NCOA4: variants seen among roughly 807,000 people sequenced by gnomAD.
NCOA4 encodes 70 kDa AR-activator.
A neutral mutation model predicts 69.5 loss-of-function variants in NCOA4; 31 were observed. The ratio of observed to expected loss-of-function variants is 0.45; its 90% CI spans 0.34 to 0.60. The LOEUF is 0.60. Ranked by LOEUF, NCOA4 falls within the 20% of genes least tolerant of loss-of-function variation. NCOA4 has a pLI of 0.02. For missense variants in NCOA4, 600 were observed against 719.2 expected, an observed-to-expected ratio of 0.83 and a Z score of 1.90; for synonymous variants, 228 against 252.4, an observed-to-expected ratio of 0.90 and a Z score of 0.92.
Position 46,021,116 on chromosome 10 carries a change from C to T in NCOA4, c.-14-4422G>A, listed in dbSNP as rs540138283. On this transcript the variant is annotated intron_variant, in intron 1 of 9. Transcript: ENST00000581486. ...CTTTGCACAAATCTATTTGTGAAGT[C>T]TGAAGATCATGGCACCAGAATTGAG... 1.1e-4 allele frequency among the ~76,000 whole-genome samples: 16 copies of T among 152,238 alleles called. No homozygotes were observed. In the East Asian group the frequency reaches 3.1e-3, roughly 29 times the overall value.
chr10:46,011,299 A>T (rs1007914726), intron 7 of NCOA4, 93 bp from the exon 8 acceptor site: 13 of 1,307,868 alleles, frequency 9.9e-6, no homozygotes, highest in African/African-American at 1.5e-5. Flanking sequence ...AGACAGTCTC[A>T]CTCTGTCGCC....
Position 46,008,232 on chromosome 10 carries a change from A to T in NCOA4, c.1839+1179T>A, listed in dbSNP as rs368158908. Among the ~76,000 whole-genome samples the T allele has an allele frequency of 1.1e-4, 16 of 152,378 alleles. No homozygotes were observed. In the South Asian group the frequency reaches 3.3e-3, roughly 32 times the overall value. On this transcript the variant is annotated intron_variant, in intron 9 of 9. Coordinates refer to ENST00000581486, the MANE Select transcript of NCOA4 (RefSeq NM_001145263.2). ...AACTTTCAAGTATTATTTAAGAAAT[A>T]CATTTTTTAAGGCCCTAGCTACCTA...
At chr10:46,027,580 A>G (rs1840234128) in intron 1 of NCOA4, 2 of 1,086,790 alleles carry the variant, frequency 1.8e-6, no homozygotes, top group Admixed American at 2.4e-5. Context: ...TTTTAAAAGG[A>G]CTAAAAAGTA....
chr10:46,018,377 T>C, intron 1 of NCOA4, among the ~76,000 whole-genome samples: 1 of 152,226 alleles, frequency 6.6e-6, no homozygotes, highest in East Asian at 1.9e-4. Flanking sequence ...CGAAAGTAAA[T>C]TCTCTATGAA....
At chr10:46,021,369 G>C (rs1013248624) in intron 1 of NCOA4, among the ~76,000 whole-genome samples, 1 of 152,102 alleles carries the variant, frequency 6.6e-6, no homozygotes, top group Non-Finnish European at 1.5e-5. Flanking sequence ...AGCCACAAAA[G>C]CCCAGATAGT....
At chr10:46,013,338 T>C (rs189290678) in intron 6 of NCOA4, among the ~76,000 whole-genome samples, 17 of 152,322 alleles carry the variant, frequency 1.1e-4, no homozygotes, top group South Asian at 2.1e-4. Context: ...TGTGAACTGA[T>C]TGATAATTAC....
chr10:46,008,345 T>A (rs1208771449), intron 9 of NCOA4, among the ~76,000 whole-genome samples: 1 of 152,218 alleles, frequency 6.6e-6, no homozygotes, highest in African/African-American at 2.4e-5. Context: ...TCATGATTCA[T>A]GAGAGGAAGT....
intron 1 of NCOA4, among the ~76,000 whole-genome samples, chr10:46,017,583 A>C (rs186551919): frequency 3.3e-5 from 5 of 152,256 alleles, no homozygotes; most frequent in African/African-American, 1.2e-4. Flanking sequence ...ATAGAGATAC[A>C]TGTTTTATAT....
At chr10:46,015,099 C>G (rs1265525785) in intron 3 of NCOA4, 27 bp downstream of exon 3, 6 of 1,613,948 alleles carry the variant, frequency 3.7e-6, no homozygotes, top group Non-Finnish European at 5.1e-6. Flanking sequence ...CATGCTCAAA[C>G]CAATTCTAGC....
At chr10:46,024,788 T>C (rs1554925199) in intron 1 of NCOA4, among the ~76,000 whole-genome samples, 1 of 152,188 alleles carries the variant, frequency 6.6e-6, no homozygotes, top group African/African-American at 2.4e-5. Flanking sequence ...TTCTATGCTG[T>C]CTCAAAACAA....
intron 1 of NCOA4, among the ~76,000 whole-genome samples, chr10:46,019,795 A>G (rs1332640226): frequency 1.3e-5 from 2 of 152,230 alleles, no homozygotes; most frequent in Non-Finnish European, 2.9e-5. Context: ...ACACACAGTT[A>G]TCACATTTTT....
intron 7 of NCOA4, among the ~76,000 whole-genome samples, chr10:46,012,070 G>GGAAAAAAAAAAAAAAA (rs1839247374): frequency 6.7e-5 from 3 of 44,526 alleles, no homozygotes; most frequent in Non-Finnish European, 8.2e-5. Flanking sequence ...CAAAAAGAAA[G>GGAAAAAAAAAAAAAAA]AAAAAAAAAA....
chr10:46,009,293 A>G (rs1434785374), intron 9 of NCOA4, 118 bp downstream of exon 9: 1 of 1,470,944 alleles, frequency 6.8e-7, no homozygotes, highest in Non-Finnish European at 9.4e-7. Flanking sequence ...CTTGCCTAAT[A>G]TACATACTAT....
At chr10:46,012,085 A>AAAAAAAAAAAAC in intron 7 of NCOA4, among the ~76,000 whole-genome samples, 1 of 137,398 alleles carries the variant, frequency 7.3e-6, no homozygotes, top group Non-Finnish European at 1.5e-5. Context: ...AAAAAAAAAA[A>AAAAAAAAAAAAC]AAAAAAAAAA....
chr10:46,010,881 C>T lies in NCOA4; in HGVS notation c.1040G>A (p.Cys347Tyr). ...VNDWLVKTDS[C>Y]TNCQGNQPKG... ...GGGCTGGTTTCCCTGACAGTTGGTA[C>T]AGGAGTCAGTCTTGACAAGCCAATC... Residue 347 changes from cysteine to tyrosine, a missense_variant, in exon 8 of 10, where the codon TGT (cysteine) becomes TAT (tyrosine). Transcript: ENST00000581486. 1.2e-6 allele frequency: 2 copies of T among 1,613,956 alleles called. No homozygotes were observed. Among genetic ancestry groups the T allele is most frequent in the Non-Finnish European group, 1.7e-6 (2 of 1,179,872 alleles).
chr10:46,025,655 C>T (rs1397693173), intron 1 of NCOA4, among the ~76,000 whole-genome samples: 1 of 152,206 alleles, frequency 6.6e-6, no homozygotes, highest in Non-Finnish European at 1.5e-5. Context: ...CCCTACCTAT[C>T]TGCTTTTCAA....
At chr10:46,030,282 C>T (rs1239966245) in intron 1 of NCOA4, among the ~76,000 whole-genome samples, 4 of 151,878 alleles carry the variant, frequency 2.6e-5, no homozygotes, top group Non-Finnish European at 4.4e-5. Context: ...CAAGCCCGGG[C>T]CCGGCGTGTG....
chr10:46,012,840 T>C (rs1036106700), intron 7 of NCOA4, 43 bp downstream of exon 7: 35 of 1,605,602 alleles, frequency 2.2e-5, no homozygotes, highest in Non-Finnish European at 3.0e-5. Context: ...TAACTCCACC[T>C]ACTGCTGTGT....
chr10:46,006,566 A>G lies in NCOA4; in HGVS notation c.*26T>C. On this transcript the variant is annotated 3_prime_UTR_variant, in exon 10 of 10. Transcript: ENST00000581486. Reference sequence around the variant, plus strand: ...TCATGATGTGTGATAATCAGCAGAAAGGCTGCTCAACTCTTGTCCATTCCT... The same window carrying G: ...TCATGATGTGTGATAATCAGCAGAAGGGCTGCTCAACTCTTGTCCATTCCT... 1.2e-6 allele frequency: 2 copies of G among 1,613,540 alleles called. No homozygotes were observed. The highest frequency in any genetic ancestry group is 1.1e-5 in the South Asian group (1 of 91,066).
Sources: allele counts gnomAD v4.1 joint callset (sites outside exome capture counted in the v4.1 genomes callset), GRCh38; gene constraint gnomAD v4.1.1; transcripts MANE v1.5; gene names NCBI Gene and HGNC (gene_info 2026-07-23, HGNC 2026-07-21).